C4BPA: variants seen among roughly 807,000 people sequenced by gnomAD.
C4BPA encodes C4b-binding protein alpha chain.
C4BPA carries 31 observed loss-of-function variants against 63.7 expected under a neutral mutation model. The ratio of observed to expected loss-of-function variants is 0.49; its 90% CI spans 0.37 to 0.66. C4BPA has a LOEUF of 0.66. Among genes scored for constraint, C4BPA ranks in the 30% least tolerant of loss-of-function variants. The pLI is 0.00. For synonymous variants in C4BPA, 259 were observed against 254.7 expected, an observed-to-expected ratio of 1.02 and a Z score of -0.16; for missense variants, 572 against 723.3, an observed-to-expected ratio of 0.79 and a Z score of 2.40.
intron 4 of C4BPA, among the ~76,000 whole-genome samples, chr1:207,121,569 C>T (rs1444748498): frequency 1.3e-5 from 2 of 151,842 alleles, no homozygotes; most frequent in Non-Finnish European, 2.9e-5. Flanking sequence ...AGCTGTTTTT[C>T]TTTCATTAGG....
intron 9 of C4BPA, among the ~76,000 whole-genome samples, chr1:207,135,353 A>T (rs566799065): frequency 7.9e-5 from 12 of 152,100 alleles, no homozygotes; most frequent in Admixed American, 3.3e-4. Context: ...GAAAAAAAAA[A>T]GGCTCAAGTG....
At chr1:207,144,480 A>G (rs543044036) in intron 11 of C4BPA, 64 bp from the exon 12 acceptor site, 26 of 1,434,362 alleles carry the variant, frequency 1.8e-5, no homozygotes, top group Middle Eastern at 5.3e-4. Context: ...CACTGTCAGG[A>G]TCCACCCTCC....
In C4BPA at chr1:207,126,914, A is replaced by G. The variant is rs2491393; in HGVS notation, c.889+19A>G. 0.36 allele frequency: 575,915 copies of G among 1,591,144 alleles called. 107,574 individuals carry two copies. Among genetic ancestry groups the G allele is most frequent in the African/African-American group, 0.57 (42,095 of 74,356 alleles). Reference sequence around the variant, plus strand: ...GAGCCCAGTAAGTATGGACTGTGACAGAATTTCAATGTTTGGCATCTAAAG... The same window carrying G: ...GAGCCCAGTAAGTATGGACTGTGACGGAATTTCAATGTTTGGCATCTAAAG... On this transcript the variant is annotated intron_variant, in intron 7 of 11. Coordinates refer to ENST00000367070, the MANE Select transcript of C4BPA (RefSeq NM_000715.4).
At chr1:207,125,205 G>A (rs1685012453) in intron 6 of C4BPA, among the ~76,000 whole-genome samples, 1 of 152,236 alleles carries the variant, frequency 6.6e-6, no homozygotes, top group African/African-American at 2.4e-5. Flanking sequence ...TGCAACAAGT[G>A]AAAGCGGCAA....
intron 7 of C4BPA, among the ~76,000 whole-genome samples, chr1:207,127,889 C>T (rs931679141): frequency 1.3e-5 from 2 of 152,124 alleles, no homozygotes; most frequent in South Asian, 4.1e-4. Flanking sequence ...CTCCAGCTCC[C>T]TGGGGTAAAA....
intron 9 of C4BPA, among the ~76,000 whole-genome samples, chr1:207,135,207 G>A (rs562673178): frequency 7.9e-5 from 12 of 152,194 alleles, no homozygotes; most frequent in African/African-American, 2.2e-4. Flanking sequence ...GCATGGTGGC[G>A]TGGGCCTGTA....
chr1:207,114,034 C>T (rs1684727668), intron 2 of C4BPA, 66 bp from the exon 3 acceptor site: 10 of 1,367,248 alleles, frequency 7.3e-6, no homozygotes, highest in Admixed American at 2.0e-5. Flanking sequence ...CATCACACTT[C>T]AGAAACAATA....
At chr1:207,126,237 C>A (rs570516732) in intron 6 of C4BPA, among the ~76,000 whole-genome samples, 38 of 148,142 alleles carry the variant, frequency 2.6e-4, no homozygotes, top group African/African-American at 9.1e-4. Context: ...TATATATATA[C>A]ACACACATAC....
At position 207,134,395 on chromosome 1, in the gene C4BPA, AT is replaced by A. The variant is rs757831690; in HGVS notation, c.1085-4del. The A allele has an allele frequency of 1.2e-6, 2 of 1,604,820 alleles. No homozygotes were observed. Among genetic ancestry groups the A allele is most frequent in the South Asian group, 2.2e-5 (2 of 90,224 alleles). On this transcript the variant is annotated splice_polypyrimidine_tract_variant and splice_region_variant and intron_variant, in intron 8 of 11. Transcript: ENST00000367070. ...TTACTAACCATGCACCTCACATTTT[AT>A]TTTTCAGCGTTATGTTGCCCTGAAC...
chr1:207,144,030 A>C, intron 11 of C4BPA, 37 bp downstream of exon 11: 1 of 1,491,458 alleles, frequency 6.7e-7, no homozygotes, highest in South Asian at 1.4e-5. Context: ...TGTGCTGTCG[A>C]CCCCTAAAAA....
chr1:207,140,955 C>A, intron 9 of C4BPA, 151 bp from the exon 10 acceptor site: 2 of 538,758 alleles, frequency 3.7e-6, no homozygotes, highest in Non-Finnish European at 6.4e-6. Context: ...AGGAGGAGAG[C>A]AGAAGTGTCT....
In C4BPA at chr1:207,113,148, T is replaced by C. The variant is rs772097397; in HGVS notation, c.123T>C (p.Ala41=). 5 of 1,610,868 alleles carry C rather than the reference T, an allele frequency of 3.1e-6. No homozygotes were observed. In the South Asian group the frequency reaches 4.4e-5, roughly 14 times the overall value. Residue 41 remains alanine, a synonymous_variant, in exon 2 of 12, where the codon GCT becomes GCC. Transcript: ENST00000367070. ...PILFQMTLIA[A]LLPAVLGNCG... is the part of the protein sequence containing the mutation. ...TCTTCCAAATGACCTTGATCGCTGC[T>C]CTGTTGCCTGCTGTTCTTGGTGAGT...
chr1:207,126,840 A>G lies in C4BPA; in HGVS notation c.834A>G (p.Val278=). The G allele has an allele frequency of 6.2e-7, 1 of 1,613,472 alleles. No homozygotes were observed. The highest frequency in any genetic ancestry group is 8.5e-7 in the Non-Finnish European group (1 of 1,179,626). The change falls in exon 7 of 12, where the codon GTA becomes GTG. Residue 278 remains valine, a synonymous_variant. Coordinates refer to ENST00000367070, the MANE Select transcript of C4BPA (RefSeq NM_000715.4). ...QKGFVLRGSS[V]IHCDADSKWN... is the part of the protein sequence containing the mutation. ...GTTTTGTTCTCAGAGGCAGCAGTGT[A>G]ATTCATTGTGATGCTGATAGCAAAT... is the stretch of plus-strand genomic sequence containing the variant.
rs766717796 is a variant in C4BPA, at chr1:207,113,161, G to T, written c.136G>T (p.Val46Phe). The change falls in exon 2 of 12, where the codon GTT (valine) becomes TTT (phenylalanine). Residue 46 changes from valine to phenylalanine, a missense_variant. Around this residue, in one of 2 missense-constraint regions of C4BPA, gnomAD observed 107 missense variants for 93.9 expected, o/e 1.14. Coordinates refer to ENST00000367070, the MANE Select transcript of C4BPA (RefSeq NM_000715.4). ...MTLIAALLPA[V>F]LGNCGPPPTL... ...CTTGATCGCTGCTCTGTTGCCTGCT[G>T]TTCTTGGTGAGTAGTGGGAAACAAG... 27 of 1,609,124 alleles carry T rather than the reference G, an allele frequency of 1.7e-5. No homozygotes were observed. Among genetic ancestry groups the T allele is most frequent in the Non-Finnish European group, 2.3e-5 (27 of 1,178,294 alleles).
intron 3 of C4BPA, chr1:207,114,890 T>C (rs1172543897): frequency 6.5e-6 from 1 of 153,184 alleles, no homozygotes; most frequent in Admixed American, 6.5e-5. Flanking sequence ...ATTCACTTTT[T>C]AAAAAATTAT....
At chr1:207,116,516 A>ATG (rs57449727) in intron 4 of C4BPA, among the ~76,000 whole-genome samples, 5,617 of 79,790 alleles carry the variant, frequency 0.07, 172 homozygotes, top group African/African-American at 0.12. Flanking sequence ...GTGTGTGTAT[A>ATG]TGTGTGTGTG....
intron 4 of C4BPA, among the ~76,000 whole-genome samples, chr1:207,118,133 A>ATCTG (rs60535065): frequency 0.057 from 5,608 of 98,832 alleles, 242 homozygotes; most frequent in Admixed American, 0.11. Flanking sequence ...TCTATCATCT[A>ATCTG]TCTGTCTGTC....
Position 207,126,789 on chromosome 1 carries a change from C to A in C4BPA, c.783C>A (p.Asp261Glu). 1 of 1,612,564 alleles carries A rather than the reference C, an allele frequency of 6.2e-7. No individual in the cohort carries two copies. Among genetic ancestry groups the A allele is most frequent in the Non-Finnish European group, 8.5e-7 (1 of 1,178,924 alleles). ...TTGGACCCATCTATAATTACAAAGA[C>A]ACTATTGTGTTTAAGTGCCAAAAAG... Reference protein sequence around the residue: ...SGFGPIYNYKDTIVFKCQKGF... With the variant: ...SGFGPIYNYKETIVFKCQKGF... The change falls in exon 7 of 12, where the codon GAC becomes GAA. Residue 261 changes from aspartate (D) to glutamate (E), a missense_variant. Transcript: ENST00000367070.
chr1:207,105,165 A>G (rs1356924578), intron 1 of C4BPA, among the ~76,000 whole-genome samples: 1 of 152,252 alleles, frequency 6.6e-6, no homozygotes, highest in Non-Finnish European at 1.5e-5. Flanking sequence ...AATAAAAAGT[A>G]GACTACAGAA....
Sources: gnomAD v4.1 joint callset for allele counts (sites outside exome capture counted in the v4.1 genomes callset) on GRCh38, gnomAD v4.1.1 for gene constraint, gnomAD v4.1.1 regional missense constraint, MANE v1.5 for transcripts, NCBI Gene and HGNC (gene_info 2026-07-23, HGNC 2026-07-21) for gene names.